Variants in FOXJ2 observed in about 807,000 individuals in gnomAD.
FOXJ2 encodes the protein forkhead box protein J2.
In FOXJ2, 18 loss-of-function variants were observed where a neutral mutation model predicts 68.4. That is an observed-to-expected ratio of 0.26 (90% CI 0.18 to 0.39). FOXJ2 has a LOEUF of 0.39. Among genes scored for constraint, FOXJ2 ranks in the 10% least tolerant of loss-of-function variants. The pLI is 1.00. For missense variants in FOXJ2, 670 were observed against 726.5 expected (o/e 0.92, Z 0.89); for synonymous variants, 274 against 263.2 (o/e 1.04, Z -0.40).
In FOXJ2 at chr12:8,044,100, C is replaced by T; in HGVS notation, c.618+9C>T. ...TAGCCAGCTACAGCCAGGTAGGAAGCAGATATGGCAGGGGTCATGGGATGG... is the reference window on the plus strand; with the variant it reads ...TAGCCAGCTACAGCCAGGTAGGAAGTAGATATGGCAGGGGTCATGGGATGG... On this transcript the variant is annotated intron_variant, in intron 5 of 10. Coordinates refer to ENST00000162391, the MANE Select transcript of FOXJ2 (RefSeq NM_018416.3). 11 of 1,521,432 alleles carry T rather than the reference C, an allele frequency of 7.2e-6. No homozygotes were observed. Among genetic ancestry groups the T allele is most frequent in the Non-Finnish European group, 8.8e-6 (10 of 1,137,356 alleles). 94.2% of individuals were successfully genotyped at this position (1,521,432 alleles called of 1,614,324 possible).
intron 5 of FOXJ2, 120 bp downstream of exon 5, chr12:8,044,211 G>A: frequency 8.3e-7 from 1 of 1,208,820 alleles, no homozygotes; most frequent in Non-Finnish European, 1.1e-6. Flanking sequence ...AATTGAGAAG[G>A]AAGGGGAAGG....
Position 8,044,863 on chromosome 12 carries a change from T to G in FOXJ2, c.722T>G (p.Phe241Cys), listed in dbSNP as rs1206759453. Residue 241 changes from phenylalanine (F) to cysteine (C), a missense_variant, in exon 6 of 11, where the codon TTC becomes TGC. Phe to Cys is a radical substitution (Grantham distance 205, BLOSUM62 -2). This residue lies in a region of FOXJ2 where 555 missense variants were observed against 562.2 expected (regional missense o/e 0.99). Coordinates refer to ENST00000162391, the MANE Select transcript of FOXJ2 (RefSeq NM_018416.3). ...TATAACACCAACCATGACTTTAAAT[T>G]CTCCTACTCAGAGATCAACTTTCAG... ...PLYNTNHDFK[F>C]SYSEINFQDL... is the part of the protein sequence containing the mutation. 1 of 1,614,042 alleles carries G rather than the reference T, an allele frequency of 6.2e-7. No homozygotes were observed. Among genetic ancestry groups the G allele is most frequent in the East Asian group, 2.2e-5 (1 of 44,874 alleles).
At chr12:8,046,037 A>C (rs1405402363) in intron 6 of FOXJ2, among the ~76,000 whole-genome samples, 5 of 152,222 alleles carry the variant, frequency 3.3e-5, no homozygotes, top group Non-Finnish European at 7.3e-5. Flanking sequence ...GTTTGGAGTC[A>C]AGTGAGCTCA....
In FOXJ2 at chr12:8,048,799, G is replaced by T; in HGVS notation, c.1327+1G>T. On this transcript the variant is annotated splice_donor_variant, in intron 8 of 10. Transcript: ENST00000162391. LOFTEE classifies it high-confidence loss of function. ...AGCATTGAGCAGTCACAATTCTCAG[G>T]TTAGTGATCAAAGGACGAAGGAAGA... 1.2e-6 allele frequency: 2 copies of T among 1,613,328 alleles called. No individual in the cohort carries two copies. The highest frequency in any genetic ancestry group is 1.7e-6 in the Non-Finnish European group (2 of 1,179,508).
At chr12:8,048,549 C>T in intron 7 of FOXJ2, 148 bp from the exon 8 acceptor site, 2 of 1,104,238 alleles carry the variant, frequency 1.8e-6, no homozygotes, top group Non-Finnish European at 2.6e-6. Context: ...CAGTCCTAAA[C>T]TCCCAGGGAG....
chr12:8,049,386 C>T lies in FOXJ2; in HGVS notation c.1352C>T (p.Ala451Val), dbSNP rs1472517014. ...FSELMESLRQ[A>V]EQKNWTLDQH... ...GAACTGATGGAGAGTCTACGACAGG[C>T]AGAGCAGAAGAACTGGACCCTCGAC... The change falls in exon 9 of 11, where the codon GCA (alanine) becomes GTA (valine). Residue 451 changes from alanine to valine, a missense_variant. Ala to Val is a moderately conservative substitution (Grantham distance 64). This residue lies in a region of FOXJ2 where 555 missense variants were observed against 562.2 expected (regional missense o/e 0.99). Coordinates refer to ENST00000162391, the MANE Select transcript of FOXJ2 (RefSeq NM_018416.3). The T allele has an allele frequency of 6.2e-7, 1 of 1,613,440 alleles. No homozygotes were observed. Among genetic ancestry groups the T allele is most frequent in the South Asian group, 1.1e-5 (1 of 90,900 alleles).
rs1185963599 is a variant in FOXJ2, at chr12:8,038,925, C to G, written c.-14-894C>G. ...TCCAGAGTGGCTATTTTTAGCCAGG[C>G]TATCTGATTGTTACCGGTAGGCACA... is the stretch of plus-strand genomic sequence containing the variant. On this transcript the variant is annotated intron_variant, in intron 1 of 10. Coordinates refer to ENST00000162391, the MANE Select transcript of FOXJ2 (RefSeq NM_018416.3). The surrounding 1 kb of genome is among the most constrained non-coding windows in gnomAD (Gnocchi z 5.3). 6.6e-6 allele frequency among the ~76,000 whole-genome samples: 1 copy of G among 152,124 alleles called. No individual in the cohort carries two copies. Among genetic ancestry groups the G allele is most frequent in the Non-Finnish European group, 1.5e-5 (1 of 68,018 alleles).
rs929824936 is a variant in FOXJ2, at chr12:8,043,976, A to C, written c.503A>C (p.Glu168Ala). ...DDLSQDSPEQEASKSPRGGVA... is the reference protein window; with the variant it reads ...DDLSQDSPEQAASKSPRGGVA... ...CTGTCCCAAGACTCACCAGAACAGG[A>C]GGCAAGCAAGAGCCCACGGGGAGGC... The change falls in exon 5 of 11, where the codon GAG becomes GCG. Residue 168 changes from glutamate to alanine, a missense_variant. Physicochemically the swap from Glu to Ala is moderately radical, Grantham distance 107. Coordinates refer to ENST00000162391, the MANE Select transcript of FOXJ2 (RefSeq NM_018416.3). 3 of 1,567,128 alleles carry C rather than the reference A, an allele frequency of 1.9e-6. No individual in the cohort carries two copies. The highest frequency in any genetic ancestry group is 2.6e-6 in the Non-Finnish European group (3 of 1,160,400).
intron 10 of FOXJ2, among the ~76,000 whole-genome samples, chr12:8,051,164 C>T (rs1484828617): frequency 7.1e-6 from 1 of 141,608 alleles, no homozygotes; most frequent in Non-Finnish European, 1.5e-5. Flanking sequence ...GAGTCTCGCT[C>T]TGTTGCCCAG....
At position 8,043,723 on chromosome 12, in the gene FOXJ2, C is replaced by A. The variant is rs371664557; in HGVS notation, c.431C>A (p.Thr144Asn). ...CAGGGTTCCTATTGGACAATTGACACCTGCCCTGACATTTCCCGAAAGAGA... is the reference window on the plus strand; with the variant it reads ...CAGGGTTCCTATTGGACAATTGACAACTGCCCTGACATTTCCCGAAAGAGA... ...PGKGSYWTID[T>N]CPDISRKRRH... Residue 144 changes from threonine to asparagine, a missense_variant, in exon 4 of 11, where the codon ACC (threonine) becomes AAC (asparagine). Around this residue, in one of 2 missense-constraint regions of FOXJ2, gnomAD observed 555 missense variants for 562.2 expected, o/e 0.99. Transcript: ENST00000162391. The A allele has an allele frequency of 3.1e-6, 5 of 1,614,070 alleles. No homozygotes were observed. The highest frequency in any genetic ancestry group is 2.7e-5 in the African/African-American group (2 of 74,920).
At chr12:8,047,765 C>T (rs759810995) in intron 6 of FOXJ2, 117 bp from the exon 7 acceptor site, 10 of 1,341,832 alleles carry the variant, frequency 7.5e-6, no homozygotes, top group African/African-American at 7.3e-5. Flanking sequence ...CTAGAATGTT[C>T]TTACCCTTTT....
Position 8,048,156 on chromosome 12 carries a change from C to T in FOXJ2, c.1092C>T (p.Ala364=), listed in dbSNP as rs1947065277. The change falls in exon 7 of 11, where the codon GCC becomes GCT. Residue 364 remains alanine (A), a synonymous_variant. Transcript: ENST00000162391. ...AEGYGPPPVM[A]MHPPPLQHGG... is the part of the protein sequence containing the mutation. ...GCTATGGGCCTCCCCCTGTAATGGC[C>T]ATGCATCCACCCCCGCTGCAGCATG... is the stretch of plus-strand genomic sequence containing the variant. 1 of 1,613,818 alleles carries T rather than the reference C, an allele frequency of 6.2e-7. No individual in the cohort carries two copies. The highest frequency in any genetic ancestry group is 8.5e-7 in the Non-Finnish European group (1 of 1,179,928).
At chr12:8,039,333 A>G (rs1354346571) in intron 1 of FOXJ2, among the ~76,000 whole-genome samples, 1 of 152,022 alleles carries the variant, frequency 6.6e-6, no homozygotes, top group Non-Finnish European at 1.5e-5. Context: ...TGTGTGCTTC[A>G]TCCGTGTATG....
At chr12:8,034,705 A>G (rs1946874456) in intron 1 of FOXJ2, among the ~76,000 whole-genome samples, 1 of 152,186 alleles carries the variant, frequency 6.6e-6, no homozygotes, top group Non-Finnish European at 1.5e-5. Context: ...TTCACTTCTG[A>G]GGAGTATATA....
Position 8,054,549 on chromosome 12 carries a change from G to A in FOXJ2, c.*1699G>A, listed in dbSNP as rs766628823. 7.9e-5 allele frequency: 12 copies of A among 152,554 alleles called. No individual in the cohort carries two copies. Among genetic ancestry groups the A allele is most frequent in the Non-Finnish European group, 5.9e-5 (4 of 68,018 alleles). 9.5% of individuals were successfully genotyped at this position (152,554 alleles called of 1,614,324 possible). ...AGGGGGTTATATATGAGAGTTCATT[G>A]AAGAAGTCCAGTGAGGCTGAAGTAA... On this transcript the variant is annotated 3_prime_UTR_variant, in exon 11 of 11. Coordinates refer to ENST00000162391, the MANE Select transcript of FOXJ2 (RefSeq NM_018416.3).
At position 8,032,990 on chromosome 12, in the gene FOXJ2, C is replaced by G. The variant is rs1946855148; in HGVS notation, c.-858C>G. 1 of 396,094 alleles carries G rather than the reference C, an allele frequency of 2.5e-6. No homozygotes were observed. The highest frequency in any genetic ancestry group is 4.4e-6 in the Non-Finnish European group (1 of 224,836). The allele number at this position is 396,094 out of a possible 1,614,324, so 24.5% of individuals were successfully genotyped here. On this transcript the variant is annotated 5_prime_UTR_variant, in exon 1 of 11. Transcript: ENST00000162391. This position sits in a 1 kb window ranked among gnomAD's most constrained non-coding sequence, Gnocchi z 4.8. Reference sequence around the variant, plus strand: ...TACGAAAGCCCCACCCTCTGGGGCACCCCGGGAGCGGAGGCGGGAGCGGGG... The same window carrying G: ...TACGAAAGCCCCACCCTCTGGGGCAGCCCGGGAGCGGAGGCGGGAGCGGGG...
At chr12:8,037,143 C>T (rs1282562355) in intron 1 of FOXJ2, among the ~76,000 whole-genome samples, 10 of 152,124 alleles carry the variant, frequency 6.6e-5, no homozygotes, top group African/African-American at 9.7e-5. Context: ...CAGAGAGGCA[C>T]GGATGGTTAG....
At position 8,054,001 on chromosome 12, in the gene FOXJ2, G is replaced by A. The variant is rs953231111; in HGVS notation, c.*1151G>A. The A allele has an allele frequency of 6.6e-6, 1 of 152,212 alleles. No individual in the cohort carries two copies. Among genetic ancestry groups the A allele is most frequent in the Non-Finnish European group, 1.5e-5 (1 of 68,040 alleles). The allele number at this position is 152,212 out of a possible 1,614,324, so 9.4% of individuals were successfully genotyped here. ...CTCTCATAGCAGAGCCAAACCTTTA[G>A]TGTTGGTGGTAGGAGGATGGGGAGA... On this transcript the variant is annotated 3_prime_UTR_variant, in exon 11 of 11. Coordinates refer to ENST00000162391, the MANE Select transcript of FOXJ2 (RefSeq NM_018416.3).
Position 8,048,076 on chromosome 12 carries a change from A to C in FOXJ2, c.1012A>C (p.Thr338Pro). ...SAVGGAPPLH[T>P]PSTDGCTPPG... Reference sequence around the variant, plus strand: ...TGTAGGGGGTGCTCCTCCACTGCACACCCCAAGCACAGATGGTTGTACCCC... The same window carrying C: ...TGTAGGGGGTGCTCCTCCACTGCACCCCCCAAGCACAGATGGTTGTACCCC... Residue 338 changes from threonine to proline, a missense_variant, in exon 7 of 11, where the codon ACC becomes CCC. Around this residue, in one of 2 missense-constraint regions of FOXJ2, gnomAD observed 555 missense variants for 562.2 expected, o/e 0.99. Coordinates refer to ENST00000162391, the MANE Select transcript of FOXJ2 (RefSeq NM_018416.3). The C allele has an allele frequency of 6.2e-7, 1 of 1,611,106 alleles. No homozygotes were observed. Among genetic ancestry groups the C allele is most frequent in the Non-Finnish European group, 8.5e-7 (1 of 1,178,028 alleles).
Sources: allele counts gnomAD v4.1 joint callset (sites outside exome capture counted in the v4.1 genomes callset), GRCh38; gene constraint gnomAD v4.1.1; regional missense constraint gnomAD v4.1.1; non-coding constraint Gnocchi (gnomAD v3.1); transcripts MANE v1.5; gene names NCBI Gene and HGNC (gene_info 2026-07-23, HGNC 2026-07-21).